ZNF331: variants seen among roughly 807,000 people sequenced by gnomAD.
ZNF331 encodes zinc finger protein 331.
Under a neutral mutation model 7.0 loss-of-function variants are expected in ZNF331, and 2 were observed. That is an observed-to-expected ratio of 0.29 (90% CI 0.12 to 0.90). The LOEUF (loss-of-function observed/expected upper bound fraction) is 0.90. Among genes scored for constraint, ZNF331 ranks in the 40% least tolerant of loss-of-function variants. ZNF331 has a pLI of 0.58. For synonymous variants in ZNF331, 196 were observed against 205.4 expected (o/e 0.95, Z 0.39); for missense variants, 432 against 587.7 (o/e 0.74, Z 2.74).
Position 53,571,473 on chromosome 19 carries a change from G to A in ZNF331, c.10-131G>A, listed in dbSNP as rs557004303. The A allele has an allele frequency of 2.6e-5, 29 of 1,124,828 alleles. No homozygotes were observed. Among genetic ancestry groups the A allele is most frequent in the South Asian group, 7.5e-5 (5 of 66,380 alleles). 69.7% of individuals were successfully genotyped at this position (1,124,828 alleles called of 1,614,324 possible). On this transcript the variant is annotated intron_variant, in intron 4 of 5. Transcript: ENST00000449416. This position sits in a 1 kb window ranked among gnomAD's most constrained non-coding sequence, Gnocchi z 4.7. ...TCACAGTTACAGTGATGTCCTTACCGCCCCTTGCCGATGTCACGGGTGTTC... is the reference window on the plus strand; with the variant it reads ...TCACAGTTACAGTGATGTCCTTACCACCCCTTGCCGATGTCACGGGTGTTC...
rs143133530 is a variant in ZNF331, at chr19:53,528,705, G to A, written c.-205+6021G>A. 1.9e-3 allele frequency among the ~76,000 whole-genome samples: 287 copies of A among 152,116 alleles called. 1 individual carries two copies. The highest frequency in any genetic ancestry group is 6.6e-3 in the African/African-American group (274 of 41,508). On this transcript the variant is annotated intron_variant, in intron 2 of 6. Transcript: ENST00000253144. The stretch of plus-strand genomic sequence containing the variant: ...TCATAAATGCTTTCTCAATTATATG[G>A]ATCAGTATCACTAGTAAATGTATTT...
intron 2 of ZNF331, among the ~76,000 whole-genome samples, chr19:53,526,900 A>G (rs2087320429): frequency 6.6e-6 from 1 of 151,626 alleles, no homozygotes; most frequent in Admixed American, 6.6e-5. Context: ...GCATTATAAG[A>G]AATATAACTT....
intron 2 of ZNF331, among the ~76,000 whole-genome samples, chr19:53,541,223 A>T (rs2088154984): frequency 6.7e-6 from 1 of 149,918 alleles, no homozygotes; most frequent in South Asian, 2.1e-4. Flanking sequence ...TTCCTGCCTC[A>T]GTCTCCTGAG....
chr19:53,548,352 C>G (rs1475960502), intron 2 of ZNF331, among the ~76,000 whole-genome samples: 1 of 152,100 alleles, frequency 6.6e-6, no homozygotes, highest in Admixed American at 6.5e-5. Flanking sequence ...ACCTCATGAT[C>G]CACTTGCCTC....
Position 53,560,037 on chromosome 19 carries a change from C to T in ZNF331, c.-74+4129C>T, listed in dbSNP as rs111212219. 5.1e-3 allele frequency among the ~76,000 whole-genome samples: 771 copies of T among 149,950 alleles called. 8 individuals are homozygous for T. The highest frequency in any genetic ancestry group is 0.018 in the African/African-American group (727 of 40,738). ...ACACACACCCCATACACATGCATAC[C>T]TCATATATACATATACACACCTACA... On this transcript the variant is annotated intron_variant, in intron 3 of 5. Transcript: ENST00000449416. The surrounding 1 kb of genome is among the most constrained non-coding windows in gnomAD (Gnocchi z 4.3).
chr19:53,540,312 T>G (rs2088055577), intron 2 of ZNF331, among the ~76,000 whole-genome samples: 2 of 152,164 alleles, frequency 1.3e-5, no homozygotes, highest in South Asian at 4.1e-4. Flanking sequence ...ATGAGGGCCC[T>G]TTTCCAGGTT....
chr19:53,557,514 A>G (rs11881050), intron 3 of ZNF331, among the ~76,000 whole-genome samples: 4,498 of 152,158 alleles, frequency 0.03, 233 homozygotes, highest in African/African-American at 0.1. Context: ...ATTGGGGAAC[A>G]GAATTTCAAT....
At chr19:53,504,443 C>T in the ZNF331 span, among the ~76,000 whole-genome samples, 2 of 150,638 alleles carry the variant, frequency 1.3e-5, no homozygotes, top group African/African-American at 2.5e-5. Context: ...TTATTCTGTA[C>T]CTCCTGATCC....
At chr19:53,548,587 T>G (rs1209752238) in intron 2 of ZNF331, among the ~76,000 whole-genome samples, 1 of 152,180 alleles carries the variant, frequency 6.6e-6, no homozygotes, top group African/African-American at 2.4e-5. Context: ...TTATCAGATA[T>G]ATGGTTTGAA....
upstream of ZNF331, among the ~76,000 whole-genome samples, chr19:53,516,982 A>C (rs2147208684): frequency 6.6e-6 from 1 of 152,342 alleles, no homozygotes; most frequent in South Asian, 2.1e-4. Context: ...CAAAAGAAAC[A>C]GCATTATTCA....
upstream of ZNF331, chr19:53,538,036 CTG>C (rs1165829789): frequency 1.3e-5 from 2 of 151,912 alleles, no homozygotes; most frequent in South Asian, 2.1e-4. Flanking sequence ...GTGTAGGGGT[CTG>C]TGTGCACATG....
rs1426124678 is a variant in ZNF331 at position 53,573,482 on chromosome 19, A to AT, written c.136+1759dup. Among the ~76,000 whole-genome samples the AT allele has an allele frequency of 3.3e-5, 5 of 149,906 alleles. No homozygotes were observed. Among genetic ancestry groups the AT allele is most frequent in the African/African-American group, 4.9e-5 (2 of 40,678 alleles). On this transcript the variant is annotated intron_variant, in intron 5 of 5. Coordinates refer to ENST00000449416, the MANE Select transcript of ZNF331 (RefSeq NM_001079906.2). This position sits in a 1 kb window ranked among gnomAD's most constrained non-coding sequence, Gnocchi z 4.2. The stretch of plus-strand genomic sequence containing the variant: ...CATTTCTTTTTTTTTTTAAGTTGAG[A>AT]TTTTTTTCTTTTTTTCACTCTGTTA...
intron 2 of ZNF331, among the ~76,000 whole-genome samples, chr19:53,549,841 G>T (rs1193471286): frequency 1.3e-5 from 2 of 150,838 alleles, no homozygotes; most frequent in Non-Finnish European, 3.0e-5. Context: ...TGAAATGTTT[G>T]TTTGAGATCT....
chr19:53,577,864 G>C lies in ZNF331; in HGVS notation c.1304G>C (p.Gly435Ala). 6.2e-7 allele frequency: 1 copy of C among 1,613,810 alleles called. No homozygotes were observed. Among genetic ancestry groups the C allele is most frequent in the Non-Finnish European group, 8.5e-7 (1 of 1,180,020 alleles). ...QLTQHQKTHSGAKSYECKECG... is the reference protein window; with the variant it reads ...QLTQHQKTHSAAKSYECKECG... ...ACACAACATCAGAAAACGCACAGTG[G>C]GGCGAAATCCTACGAATGTAAGGAG... is the stretch of plus-strand genomic sequence containing the variant. The change falls in exon 6 of 6, where the codon GGG becomes GCG. Residue 435 changes from glycine to alanine, a missense_variant. Gly to Ala is a moderately conservative substitution (Grantham distance 60). Transcript: ENST00000449416.
At chr19:53,569,252 C>T in intron 3 of ZNF331, 52 bp from the exon 4 acceptor site, 1 of 1,008,174 alleles carries the variant, frequency 9.9e-7, no homozygotes, top group Admixed American at 1.9e-5. Context: ...TATTACATCA[C>T]TATGGGGACC....
chr19:53,520,454 T>C (rs978869846), upstream of ZNF331, among the ~76,000 whole-genome samples: 6 of 152,168 alleles, frequency 3.9e-5, no homozygotes. Flanking sequence ...CCTGAACCAC[T>C]TTTCCCAGGA....
Position 53,521,331 on chromosome 19 carries a change from A to T in ZNF331, c.-1026A>T, listed in dbSNP as rs62143886. On this transcript the variant is annotated 5_prime_UTR_variant, in exon 1 of 7. Coordinates refer to the ZNF331 transcript ENST00000253144. Reference sequence around the variant, plus strand: ...GAGCAGGGAAGTGGGAGTGTGTGTGAGTGTGTGTGTGTGTGTGTGTGTGTG... The same window carrying T: ...GAGCAGGGAAGTGGGAGTGTGTGTGTGTGTGTGTGTGTGTGTGTGTGTGTG... 811 of 129,198 alleles carry T rather than the reference A, an allele frequency of 6.3e-3. 15 individuals carry two copies. The highest frequency in any genetic ancestry group is 0.017 in the African/African-American group (557 of 33,570). 8.0% of individuals were successfully genotyped at this position (129,198 alleles called of 1,614,324 possible). A position where few individuals can be genotyped will look rare whatever the true frequency, so the allele number is the denominator to read the frequency against.
At chr19:53,525,440 G>T (rs2087255623) in intron 2 of ZNF331, among the ~76,000 whole-genome samples, 1 of 152,080 alleles carries the variant, frequency 6.6e-6, no homozygotes, top group South Asian at 2.1e-4. Context: ...GTTGAGCAGT[G>T]GTTTGTAGTT....
intron 2 of ZNF331, among the ~76,000 whole-genome samples, chr19:53,544,298 C>T (rs1009092718): frequency 1.3e-5 from 2 of 151,036 alleles, no homozygotes; most frequent in Non-Finnish European, 2.9e-5. Flanking sequence ...GTAATCCCAG[C>T]ACTTTGGGAG....
Sources: gnomAD v4.1 joint callset for allele counts (sites outside exome capture counted in the v4.1 genomes callset) on GRCh38, gnomAD v4.1.1 for gene constraint, Gnocchi (gnomAD v3.1) non-coding constraint, MANE v1.5 for transcripts, NCBI Gene and HGNC (gene_info 2026-07-23, HGNC 2026-07-21) for gene names.